The following RBPJ variants were observed in gnomAD, a reference collection of about 807,000 sequenced individuals.
RBPJ encodes the protein recombination signal binding protein for immunoglobulin kappa J region.
Under a neutral mutation model 67.8 loss-of-function variants are expected in RBPJ, and 9 were observed. The ratio of observed to expected loss-of-function variants is 0.13; its 90% confidence interval spans 0.08 to 0.23. The LOEUF (loss-of-function observed/expected upper bound fraction) is 0.23, where lower values mean the gene tolerates loss of function less well. RBPJ is among the 10% of genes least tolerant of loss of function. The pLI, the probability that RBPJ is intolerant of heterozygous loss-of-function variation, is 1.00. For synonymous variants in RBPJ, 198 were observed against 203.3 expected, an observed-to-expected ratio of 0.97 and a Z score of 0.22; for missense variants, 305 against 595.6, an observed-to-expected ratio of 0.51 and a Z score of 5.08.
At chr4:26,315,485 A>G (rs1479578896), upstream of RBPJ, among the ~76,000 whole-genome samples, 1 of 152,096 alleles carries the variant, frequency 6.6e-6, no homozygotes, top group Non-Finnish European at 1.5e-5. Context: ...AAAGGAGAAC[A>G]AAGATCACAT....
At position 26,368,688 on chromosome 4, in the gene RBPJ, T is replaced by C. The variant is rs192218854; in HGVS notation, c.21-17665T>C. Among the ~76,000 whole-genome samples, 40 of 152,274 alleles carry C rather than the reference T, an allele frequency of 2.6e-4. 2 individuals carry two copies. Among genetic ancestry groups the C allele is most frequent in the Admixed American group, 2.6e-3 (39 of 15,292 alleles). Reference sequence around the variant, plus strand: ...ATGGCACCCAAGGGTGGTGAGGGGATTAAAAATGCCTGTAGAAGTGTTGGT... The same window carrying C: ...ATGGCACCCAAGGGTGGTGAGGGGACTAAAAATGCCTGTAGAAGTGTTGGT... On this transcript the variant is annotated intron_variant, in intron 1 of 10. Coordinates refer to ENST00000355476, the MANE Select transcript of RBPJ (RefSeq NM_015874.6).
At chr4:26,342,770 A>G (rs1268602120) in intron 1 of RBPJ, among the ~76,000 whole-genome samples, 1 of 152,206 alleles carries the variant, frequency 6.6e-6, no homozygotes, top group East Asian at 1.9e-4. Flanking sequence ...GTTCACCACT[A>G]ATTAATTTGG....
intron 1 of RBPJ, among the ~76,000 whole-genome samples, chr4:26,175,397 G>A (rs960350100): frequency 2.0e-5 from 3 of 152,066 alleles, no homozygotes; most frequent in Non-Finnish European, 4.4e-5. Flanking sequence ...ATTTGAGTCT[G>A]GGGGAGGCAG....
intron 1 of RBPJ, among the ~76,000 whole-genome samples, chr4:26,355,228 A>C (rs1314263866): frequency 6.6e-6 from 1 of 152,062 alleles, no homozygotes; most frequent in Admixed American, 6.6e-5. Context: ...TGGCCCGACT[A>C]TATATATATT....
chr4:26,179,551 A>G (rs990220561), intron 1 of RBPJ, among the ~76,000 whole-genome samples: 48 of 152,266 alleles, frequency 3.2e-4, no homozygotes, highest in African/African-American at 1.1e-3. Context: ...GTAGGACAAC[A>G]AACATATGAA....
At chr4:26,266,372 G>A (rs906624784) in intron 1 of RBPJ, among the ~76,000 whole-genome samples, 9 of 152,138 alleles carry the variant, frequency 5.9e-5, no homozygotes, top group African/African-American at 2.2e-4. Flanking sequence ...CTGAAGAAAT[G>A]GTTAAACTTG....
the RBPJ span, among the ~76,000 whole-genome samples, chr4:26,129,932 G>T: frequency 6.6e-6 from 1 of 152,114 alleles, no homozygotes; most frequent in Non-Finnish European, 1.5e-5. Context: ...CGCCATCTCA[G>T]CTCACTGCAA....
In RBPJ at chr4:26,431,642, T is replaced by C. The variant is rs1001097798; in HGVS notation, c.*635T>C. The C allele has an allele frequency of 3.3e-5, 5 of 152,116 alleles. No individual in the cohort carries two copies. Among genetic ancestry groups the C allele is most frequent in the African/African-American group, 1.2e-4 (5 of 41,396 alleles). 9.4% of individuals were successfully genotyped at this position (152,116 alleles called of 1,614,324 possible). A position where few individuals can be genotyped will look rare whatever the true frequency, so the allele number is the denominator to read the frequency against. Reference sequence around the variant, plus strand: ...TTTTCAGCTGAAGTCTTATGACTTTTCATGAGTCAAAATTGTTTGGATTTC... The same window carrying C: ...TTTTCAGCTGAAGTCTTATGACTTTCCATGAGTCAAAATTGTTTGGATTTC... On this transcript the variant is annotated 3_prime_UTR_variant, in exon 11 of 11. Transcript: ENST00000355476.
intron 1 of RBPJ, chr4:26,272,468 G>T: frequency 3.6e-6 from 1 of 278,152 alleles, no homozygotes; most frequent in South Asian, 3.5e-5. Flanking sequence ...CTACTTGGGA[G>T]GCTGAAGTGG....
intron 3 of RBPJ, among the ~76,000 whole-genome samples, chr4:26,409,523 A>AG (rs1491540744): frequency 2.0e-5 from 3 of 152,148 alleles, no homozygotes; most frequent in African/African-American, 7.2e-5. Flanking sequence ...TTTTTGAGAC[A>AG]GAGTCTCGCC....
the RBPJ span, among the ~76,000 whole-genome samples, chr4:26,122,823 G>C: frequency 1.3e-5 from 2 of 151,992 alleles, no homozygotes; most frequent in Non-Finnish European, 2.9e-5. Context: ...ACCATTGCAG[G>C]GAGAACACAG....
chr4:26,319,567 G>A (rs746113351), upstream of RBPJ: 5 of 492,910 alleles, frequency 1.0e-5, no homozygotes, highest in East Asian at 1.6e-4. Context: ...TCCTGCCTTG[G>A]CTCCGCGAGA....
intron 1 of RBPJ, among the ~76,000 whole-genome samples, chr4:26,249,670 A>C (rs559352869): frequency 1.4e-4 from 22 of 152,266 alleles, no homozygotes; most frequent in Admixed American, 1.2e-3. Flanking sequence ...CACACACACA[A>C]AAAGTAATGG....
chr4:26,170,946 G>A (rs1411579173), intron 1 of RBPJ, among the ~76,000 whole-genome samples: 3 of 152,146 alleles, frequency 2.0e-5, no homozygotes, highest in Non-Finnish European at 2.9e-5. Context: ...GGCATTGTAC[G>A]CAAAGCACCT....
chr4:26,428,397 A>T (rs958533648), intron 7 of RBPJ, among the ~76,000 whole-genome samples: 1 of 152,148 alleles, frequency 6.6e-6, no homozygotes, highest in African/African-American at 2.4e-5. Flanking sequence ...TGTGTTTTTC[A>T]CAAGAACCCC....
chr4:26,405,922 T>C (rs1363464003), intron 2 of RBPJ, among the ~76,000 whole-genome samples: 1 of 152,206 alleles, frequency 6.6e-6, no homozygotes, highest in African/African-American at 2.4e-5. Context: ...CATCATAAAT[T>C]CCAAAGAATG....
intron 1 of RBPJ, among the ~76,000 whole-genome samples, chr4:26,244,334 T>C (rs1235270725): frequency 2.0e-5 from 3 of 149,108 alleles, no homozygotes; most frequent in Non-Finnish European, 4.4e-5. Context: ...TACACATATG[T>C]GTACACATAT....
chr4:26,108,165 G>A, the RBPJ span, among the ~76,000 whole-genome samples: 1 of 152,170 alleles, frequency 6.6e-6, no homozygotes, highest in Admixed American at 6.6e-5. Flanking sequence ...GTAGGAGGTG[G>A]TTTTGAAGAC....
chr4:26,289,203 C>T (rs1004648573), intron 1 of RBPJ, among the ~76,000 whole-genome samples: 1 of 149,438 alleles, frequency 6.7e-6, no homozygotes, highest in African/African-American at 2.5e-5. Flanking sequence ...TCAAGACCAG[C>T]CTGGCCAACA....
Sources: allele counts gnomAD v4.1 joint callset (sites outside exome capture counted in the v4.1 genomes callset), GRCh38; gene constraint gnomAD v4.1.1; transcripts MANE v1.5; gene names NCBI Gene and HGNC (gene_info 2026-07-23, HGNC 2026-07-21).